The following ZFPM1 variants were observed in gnomAD, a reference collection of about 807,000 sequenced individuals.
The protein encoded by ZFPM1 is zinc finger protein, FOG family member 1, also known as zinc finger protein ZFPM1.
ZFPM1 carries 28 observed loss-of-function variants against 46.3 expected under a neutral mutation model. The observed-to-expected ratio is 0.60, with a 90% CI of 0.45 to 0.83. The LOEUF (loss-of-function observed/expected upper bound fraction) is 0.83. Ranked by LOEUF, ZFPM1 falls within the 40% of genes least tolerant of loss-of-function variation. ZFPM1 has a pLI of 0.00. For missense variants in ZFPM1, 1,878 were observed against 1,432.4 expected (o/e 1.31, Z -5.02); for synonymous variants, 957 against 675.9 (o/e 1.42, Z -6.45).
At chr16:88,485,062 C>T (rs559019661) in intron 1 of ZFPM1, among the ~76,000 whole-genome samples, 1 of 152,192 alleles carries the variant, frequency 6.6e-6, no homozygotes, top group African/African-American at 2.4e-5. Context: ...GAGGGTGTCA[C>T]CCCAGGGAGT....
chr16:88,502,065 C>CATTCATTT (rs1555525783), intron 3 of ZFPM1, among the ~76,000 whole-genome samples: 51 of 72,904 alleles, frequency 7.0e-4, no homozygotes, highest in African/African-American at 2.5e-3. Context: ...CGCCCCCCCC[C>CATTCATTT]ATTTATTTAT....
intron 1 of ZFPM1, among the ~76,000 whole-genome samples, chr16:88,473,295 G>A (rs1465254938): frequency 6.6e-6 from 1 of 152,250 alleles, no homozygotes; most frequent in Non-Finnish European, 1.5e-5. Flanking sequence ...CCACCCTTGG[G>A]CTGTGGTTGG....
At chr16:88,501,390 C>CT (rs1910299678) in intron 3 of ZFPM1, among the ~76,000 whole-genome samples, 1 of 92,414 alleles carries the variant, frequency 1.1e-5, no homozygotes, top group African/African-American at 5.1e-5. Context: ...GGTGCGGGGC[C>CT]CTCCCGCAGG....
At position 88,534,298 on chromosome 16, in the gene ZFPM1, C is replaced by T; in HGVS notation, c.2340C>T (p.Gly780=). Residue 780 remains glycine, a synonymous_variant, in exon 10 of 10, where the codon GGC becomes GGT. Transcript: ENST00000319555. ...GAAGCGGAAGCGGAAGCGGCCCCGG[C>T]CTCGCCCCTGCGCGCTCGCCCGGCC... ...RPGSGSGSGP[G]LAPARSPGPA... The T allele has an allele frequency of 3.2e-6, 4 of 1,248,238 alleles. No individual in the cohort carries two copies. Among genetic ancestry groups the T allele is most frequent in the Non-Finnish European group, 3.0e-6 (3 of 996,586 alleles). 77.3% of individuals were successfully genotyped at this position (1,248,238 alleles called of 1,614,324 possible).
chr16:88,483,426 C>A (rs919278187), intron 1 of ZFPM1, among the ~76,000 whole-genome samples: 1 of 152,224 alleles, frequency 6.6e-6, no homozygotes, highest in Non-Finnish European at 1.5e-5. Flanking sequence ...CCCCTTCCTC[C>A]ACCACCTCTG....
At chr16:88,493,743 T>C (rs1197894118) in intron 3 of ZFPM1, among the ~76,000 whole-genome samples, 1 of 152,066 alleles carries the variant, frequency 6.6e-6, no homozygotes, top group Non-Finnish European at 1.5e-5. Context: ...CTGGCCCTGT[T>C]ACTGCCCCCA....
At position 88,536,051 on chromosome 16, in the gene ZFPM1, G is replaced by C. The variant is rs1202785607; in HGVS notation, c.*1072G>C. The C allele has an allele frequency of 2.0e-5, 3 of 152,220 alleles. No homozygotes were observed. Among genetic ancestry groups the C allele is most frequent in the Non-Finnish European group, 4.4e-5 (3 of 68,054 alleles). 9.4% of individuals were successfully genotyped at this position (152,220 alleles called of 1,614,324 possible). The stretch of plus-strand genomic sequence containing the variant: ...GCTCATTGCAGCCTTGACCTCGTGA[G>C]CTCAAGTGATCTTCCCACCTCAGTT... On this transcript the variant is annotated 3_prime_UTR_variant, in exon 10 of 10. Transcript: ENST00000319555.
intron 4 of ZFPM1, among the ~76,000 whole-genome samples, chr16:88,524,221 G>T (rs1912135271): frequency 6.6e-6 from 1 of 152,184 alleles, no homozygotes; most frequent in African/African-American, 2.4e-5. Context: ...CCAGGGTGGG[G>T]AGGGCCAGGC....
chr16:88,503,166 CAG>C (rs1327220373), intron 3 of ZFPM1, among the ~76,000 whole-genome samples: 1 of 152,098 alleles, frequency 6.6e-6, no homozygotes, highest in African/African-American at 2.4e-5. Context: ...AGCAGCGGCA[CAG>C]GGGAGGGAGC....
chr16:88,528,744 T>TG (rs1223861397), intron 6 of ZFPM1, among the ~76,000 whole-genome samples: 6 of 44,812 alleles, frequency 1.3e-4, no homozygotes, highest in African/African-American at 2.3e-4. Context: ...GGGTTTTTGT[T>TG]GTTTTTTTTT....
chr16:88,473,907 G>A lies in ZFPM1; in HGVS notation c.41-12032G>A, dbSNP rs181024893. 1.7e-3 allele frequency among the ~76,000 whole-genome samples: 253 copies of A among 152,244 alleles called. 1 individual carries two copies. The highest frequency in any genetic ancestry group is 5.6e-3 in the African/African-American group (234 of 41,552). ...ACATCCCATCCCTGGGCACCCCCTCGGCTCTTCCGCAAGGGGTTTAGTAAT... is the reference window on the plus strand; with the variant it reads ...ACATCCCATCCCTGGGCACCCCCTCAGCTCTTCCGCAAGGGGTTTAGTAAT... On this transcript the variant is annotated intron_variant, in intron 1 of 9. Transcript: ENST00000319555.
chr16:88,534,319 C>A lies in ZFPM1; in HGVS notation c.2361C>A (p.Pro787=), dbSNP rs551773012. 2.3e-6 allele frequency: 3 copies of A among 1,329,954 alleles called. No homozygotes were observed. Among genetic ancestry groups the A allele is most frequent in the African/African-American group, 1.6e-5 (1 of 63,796 alleles). 82.4% of individuals were successfully genotyped at this position (1,329,954 alleles called of 1,614,324 possible). The change falls in exon 10 of 10, where the codon CCC becomes CCA. Residue 787 remains proline (P), a synonymous_variant. Coordinates refer to ENST00000319555, the MANE Select transcript of ZFPM1 (RefSeq NM_153813.3). ...CCGGCCTCGCCCCTGCGCGCTCGCC[C>A]GGCCCCGCGGCCGACGGCCCCATCG... is the stretch of plus-strand genomic sequence containing the variant. ...SGPGLAPARS[P]GPAADGPIDL...
At chr16:88,494,442 G>C (rs750052161) in intron 3 of ZFPM1, among the ~76,000 whole-genome samples, 6 of 152,234 alleles carry the variant, frequency 3.9e-5, no homozygotes, top group Middle Eastern at 3.4e-3. Context: ...AAAGCAGGAC[G>C]CCCGGCCGGG....
chr16:88,508,808 C>A (rs1245940573), intron 3 of ZFPM1, among the ~76,000 whole-genome samples: 2 of 152,200 alleles, frequency 1.3e-5, no homozygotes, highest in Non-Finnish European at 2.9e-5. Context: ...ACGGGCTTTT[C>A]CCCCCAGGAG....
At chr16:88,493,830 G>C (rs995136220) in intron 3 of ZFPM1, among the ~76,000 whole-genome samples, 1 of 152,132 alleles carries the variant, frequency 6.6e-6, no homozygotes, top group African/African-American at 2.4e-5. Flanking sequence ...CACTCAGTGG[G>C]TGCTGGTTTT....
In ZFPM1 at chr16:88,532,251, G is replaced by A. The variant is rs746696442; in HGVS notation, c.946+16G>A. On this transcript the variant is annotated intron_variant, in intron 7 of 9. Coordinates refer to ENST00000319555, the MANE Select transcript of ZFPM1 (RefSeq NM_153813.3). ...AGCCACAGCGGTGAGCCCCCACCCC[G>A]GACGCGGGTCCTCAGGATGCCGGCT... The A allele has an allele frequency of 6.3e-6, 10 of 1,574,954 alleles. No individual in the cohort carries two copies. In the East Asian group the frequency reaches 6.8e-5, roughly 11 times the overall value.
intron 3 of ZFPM1, among the ~76,000 whole-genome samples, chr16:88,503,423 G>A (rs1910485653): frequency 1.6e-5 from 2 of 128,242 alleles, no homozygotes; most frequent in Non-Finnish European, 3.2e-5. Flanking sequence ...TGTCTGGGGG[G>A]CCCACGGTTC....
intron 5 of ZFPM1, among the ~76,000 whole-genome samples, chr16:88,527,547 G>A (rs901910300): frequency 6.6e-6 from 1 of 152,116 alleles, no homozygotes; most frequent in Admixed American, 6.5e-5. Flanking sequence ...GCCTGAGGGC[G>A]GCACCGCAGG....
At chr16:88,508,842 C>T (rs993913176) in intron 3 of ZFPM1, among the ~76,000 whole-genome samples, 6 of 152,220 alleles carry the variant, frequency 3.9e-5, no homozygotes, top group African/African-American at 1.2e-4. Context: ...AGCCGGTGAC[C>T]TTGGGCAGGT....
Sources: gnomAD v4.1 joint callset for allele counts (sites outside exome capture counted in the v4.1 genomes callset) on GRCh38, gnomAD v4.1.1 for gene constraint, MANE v1.5 for transcripts, NCBI Gene and HGNC (gene_info 2026-07-23, HGNC 2026-07-21) for gene names.